The following PLPPR4 variants were observed in gnomAD, a reference collection of about 807,000 sequenced individuals.
PLPPR4 encodes phospholipid phosphatase-related protein type 4.
A neutral mutation model predicts 56.6 loss-of-function variants in PLPPR4; 24 were observed. The observed-to-expected ratio is 0.42, with a 90% CI of 0.31 to 0.60. PLPPR4 has a LOEUF of 0.60. Among genes scored for constraint, PLPPR4 ranks in the 20% least tolerant of loss-of-function variants. The probability of loss-of-function intolerance (pLI) is 0.13; values close to 1 mark genes in which losing one functional copy is unlikely to be tolerated. For missense variants in PLPPR4, 654 were observed against 885.8 expected (o/e 0.74, Z 3.32); for synonymous variants, 326 against 328.1 (o/e 0.99, Z 0.07).
intron 6 of PLPPR4, among the ~76,000 whole-genome samples, chr1:99,304,621 G>T (rs538711324): frequency 6.6e-6 from 1 of 152,256 alleles, no homozygotes; most frequent in South Asian, 2.1e-4. Flanking sequence ...ACTTGAAGAG[G>T]CAGGAGCTTG....
Position 99,280,607 on chromosome 1 carries a change from T to C in PLPPR4, c.79-7358T>C, listed in dbSNP as rs576762446. 2.0e-5 allele frequency among the ~76,000 whole-genome samples: 3 copies of C among 152,318 alleles called. No individual in the cohort carries two copies. In the South Asian group the frequency reaches 6.2e-4, roughly 32 times the overall value. ...CTATAATCAAAGGCAGACTAACAGA[T>C]CCTTCGATAAAGTTATATATGAAGT... On this transcript the variant is annotated intron_variant, in intron 1 of 6. Coordinates refer to ENST00000370185, the MANE Select transcript of PLPPR4 (RefSeq NM_014839.5).
upstream of PLPPR4, chr1:99,264,440 G>A: frequency 6.8e-7 from 1 of 1,474,222 alleles, no homozygotes; most frequent in Non-Finnish European, 8.9e-7. Context: ...GGAGAAGGCG[G>A]GGGCGCTGCA....
intron 3 of PLPPR4, among the ~76,000 whole-genome samples, chr1:99,297,091 C>A (rs572161379): frequency 6.6e-6 from 1 of 152,142 alleles, no homozygotes; most frequent in East Asian, 1.9e-4. Flanking sequence ...GCTAATATGC[C>A]ATGTGTTTCA....
At chr1:99,263,647 A>G (rs1658817828), upstream of PLPPR4, among the ~76,000 whole-genome samples, 1 of 152,208 alleles carries the variant, frequency 6.6e-6, no homozygotes, top group South Asian at 2.1e-4. Flanking sequence ...AAGTAATCAC[A>G]AAATTGAGAC....
intron 1 of PLPPR4, among the ~76,000 whole-genome samples, chr1:99,284,473 G>A (rs1659413615): frequency 6.6e-6 from 1 of 151,928 alleles, no homozygotes; most frequent in South Asian, 2.1e-4. Context: ...CTTTTTAGTA[G>A]AGATGGGGTT....
chr1:99,275,919 G>A (rs1659174791), intron 1 of PLPPR4, among the ~76,000 whole-genome samples: 1 of 152,110 alleles, frequency 6.6e-6, no homozygotes, highest in African/African-American at 2.4e-5. Context: ...AGAGGGGTAT[G>A]AGGTACCTCA....
intron 1 of PLPPR4, among the ~76,000 whole-genome samples, chr1:99,266,278 T>C (rs1347771087): frequency 6.6e-6 from 1 of 152,222 alleles, no homozygotes; most frequent in Non-Finnish European, 1.5e-5. Context: ...AATCAGTTAA[T>C]GGCTGAGTTC....
chr1:99,305,636 G>C, intron 6 of PLPPR4, 49 bp from the exon 7 acceptor site: 1 of 1,565,316 alleles, frequency 6.4e-7, no homozygotes, highest in Non-Finnish European at 8.6e-7. Context: ...GGAAACCCTA[G>C]TGACTGTCTT....
intron 1 of PLPPR4, among the ~76,000 whole-genome samples, chr1:99,269,813 C>T (rs775174669): frequency 4.7e-4 from 72 of 152,108 alleles, no homozygotes; most frequent in African/African-American, 1.5e-3. Flanking sequence ...GTTATTCATA[C>T]GAGAAAACAC....
At chr1:99,285,892 A>G (rs1286155919) in intron 1 of PLPPR4, among the ~76,000 whole-genome samples, 1 of 152,162 alleles carries the variant, frequency 6.6e-6, no homozygotes, top group Non-Finnish European at 1.5e-5. Context: ...AAGGTCTGGC[A>G]CTAGGTTAAG....
At chr1:99,283,443 C>T (rs1033559630) in intron 1 of PLPPR4, among the ~76,000 whole-genome samples, 5 of 152,134 alleles carry the variant, frequency 3.3e-5, no homozygotes, top group Non-Finnish European at 7.4e-5. Context: ...CTAGATTTGT[C>T]TTTTTAAAGT....
chr1:99,303,513 AG>A, intron 6 of PLPPR4, among the ~76,000 whole-genome samples: 1 of 152,322 alleles, frequency 6.6e-6, no homozygotes. Flanking sequence ...AAAGGTAGCC[AG>A]GGAATACCAA....
In PLPPR4 at chr1:99,305,714, C is replaced by G; in HGVS notation, c.852C>G (p.Pro284=). The G allele has an allele frequency of 6.2e-7, 1 of 1,613,620 alleles. No homozygotes were observed. Among genetic ancestry groups the G allele is most frequent in the Non-Finnish European group, 8.5e-7 (1 of 1,179,826 alleles). ...LGLYAVGNFL[P]SDESMFQHRD... ...TGTATGCTGTGGGGAATTTCCTGCCCAGTGATGAGAGTATGTTTCAGCACA... is the reference window on the plus strand; with the variant it reads ...TGTATGCTGTGGGGAATTTCCTGCCGAGTGATGAGAGTATGTTTCAGCACA... The change falls in exon 7 of 7, where the codon CCC becomes CCG. Residue 284 remains proline, a synonymous_variant. Coordinates refer to ENST00000370185, the MANE Select transcript of PLPPR4 (RefSeq NM_014839.5).
Position 99,299,190 on chromosome 1 carries a change from A to G in PLPPR4, c.550A>G (p.Ile184Val). Residue 184 changes from isoleucine to valine, a missense_variant, in exon 4 of 7, where the codon ATT becomes GTT. Ile to Val is a conservative substitution (Grantham distance 29). Transcript: ENST00000370185. ...AGAAAATTCCTACATTGTGGAAGAT[A>G]TTTGCTCAGGATCTGACCTCACAGT... ...CKENSYIVED[I>V]CSGSDLTVIN... The G allele has an allele frequency of 6.2e-7, 1 of 1,613,338 alleles. No individual in the cohort carries two copies. Among genetic ancestry groups the G allele is most frequent in the Non-Finnish European group, 8.5e-7 (1 of 1,179,612 alleles).
At chr1:99,287,356 G>A (rs557829988) in intron 1 of PLPPR4, among the ~76,000 whole-genome samples, 1 of 152,262 alleles carries the variant, frequency 6.6e-6, no homozygotes, top group South Asian at 2.1e-4. Context: ...AAACATGCAT[G>A]CACATGTGTC....
Position 99,308,753 on chromosome 1 carries a change from A to G in PLPPR4, c.*1743A>G, listed in dbSNP as rs1363701474. ...ACCAGCAGAATTGAAAACTCTGGCA[A>G]TAAAACATGGACTCAACCATATCCC... On this transcript the variant is annotated 3_prime_UTR_variant, in exon 7 of 7. Coordinates refer to ENST00000370185, the MANE Select transcript of PLPPR4 (RefSeq NM_014839.5). 1 of 152,626 alleles carries G rather than the reference A, an allele frequency of 6.6e-6. No homozygotes were observed. The highest frequency in any genetic ancestry group is 1.5e-5 in the Non-Finnish European group (1 of 68,036). 9.5% of individuals were successfully genotyped at this position (152,626 alleles called of 1,614,324 possible).
chr1:99,306,883 C>G lies in PLPPR4; in HGVS notation c.2021C>G (p.Ser674Cys). 2.5e-6 allele frequency: 4 copies of G among 1,614,144 alleles called. No homozygotes were observed. The highest frequency in any genetic ancestry group is 3.4e-6 in the Non-Finnish European group (4 of 1,180,018). The change falls in exon 7 of 7, where the codon TCT (serine) becomes TGT (cysteine). Residue 674 changes from serine to cysteine, a missense_variant. Coordinates refer to ENST00000370185, the MANE Select transcript of PLPPR4 (RefSeq NM_014839.5). This position sits in a 1 kb window ranked among gnomAD's most constrained non-coding sequence, Gnocchi z 4.0. ...GGCTCAGAGACGCTGTCCATTTCTT[C>G]TTCCCGCGACTCCACCCTGCGGAGA... Reference protein sequence around the residue: ...EIGSETLSISSSRDSTLRRKG... With the variant: ...EIGSETLSISCSRDSTLRRKG...
rs61783479 is a variant in PLPPR4, at chr1:99,304,572, A to G, written c.823-1113A>G. Among the ~76,000 whole-genome samples, 41 of 152,278 alleles carry G rather than the reference A, an allele frequency of 2.7e-4. 2 individuals are homozygous for G. Among genetic ancestry groups the G allele is most frequent in the Middle Eastern group, 6.8e-3 (2 of 294 alleles). ...ATTGCTCATTCTGGTGAGAGCATAG[A>G]CAGATATTTAGAAGATGGTTTCAAC... is the stretch of plus-strand genomic sequence containing the variant. On this transcript the variant is annotated intron_variant, in intron 6 of 6. Coordinates refer to ENST00000370185, the MANE Select transcript of PLPPR4 (RefSeq NM_014839.5).
chr1:99,298,871 A>G (rs759704601), intron 3 of PLPPR4, 164 bp from the exon 4 acceptor site: 12 of 683,460 alleles, frequency 1.8e-5, no homozygotes, highest in African/African-American at 5.4e-5. Context: ...GGACTTAAGT[A>G]TCTGTTTAGA....
Sources: gnomAD v4.1 joint callset for allele counts (sites outside exome capture counted in the v4.1 genomes callset) on GRCh38, gnomAD v4.1.1 for gene constraint, Gnocchi (gnomAD v3.1) non-coding constraint, MANE v1.5 for transcripts, NCBI Gene and HGNC (gene_info 2026-07-23, HGNC 2026-07-21) for gene names.